The following TRIM49B variants were observed in gnomAD, a reference collection of about 807,000 sequenced individuals.
The protein encoded by TRIM49B is tripartite motif containing 49B, also known as putative tripartite motif-containing protein 49B.
A neutral mutation model predicts 31.8 loss-of-function variants in TRIM49B; 18 were observed. The observed-to-expected ratio is 0.57, with a 90% CI of 0.39 to 0.84. The LOEUF is 0.84. TRIM49B is among the 40% of genes least tolerant of loss of function. The pLI, the probability that TRIM49B is intolerant of heterozygous loss-of-function variation, is 0.00. For synonymous variants in TRIM49B, 196 were observed against 180.6 expected, an observed-to-expected ratio of 1.09 and a Z score of -0.68; for missense variants, 494 against 538.7, an observed-to-expected ratio of 0.92 and a Z score of 0.82.
Position 49,037,631 on chromosome 11 carries a change from C to T in TRIM49B, c.1013C>T (p.Ser338Leu), listed in dbSNP as rs533366193. ...FLAWGAQTFTSGKYYWEVHVG... is the reference protein window; with the variant it reads ...FLAWGAQTFTLGKYYWEVHVG... Reference sequence around the variant, plus strand: ...GCATGGGGTGCTCAGACTTTCACCTCGGGCAAATATTACTGGGAGGTCCAT... The same window carrying T: ...GCATGGGGTGCTCAGACTTTCACCTTGGGCAAATATTACTGGGAGGTCCAT... Residue 338 changes from serine to leucine, a missense_variant, in exon 7 of 7, where the codon TCG (serine) becomes TTG (leucine). This residue lies in a region of TRIM49B where 233 missense variants were observed against 281.4 expected (regional missense o/e 0.83). Transcript: ENST00000332682. The T allele has an allele frequency of 2.9e-5, 47 of 1,613,906 alleles. 1 individual carries two copies. The highest frequency in any genetic ancestry group is 2.3e-4 in the South Asian group (21 of 91,074).
At chr11:49,036,516 A>C in intron 6 of TRIM49B, 118 bp downstream of exon 6, 1 of 643,134 alleles carries the variant, frequency 1.6e-6, no homozygotes, top group Non-Finnish European at 2.6e-6. Flanking sequence ...ATAAGTGAAC[A>C]ATATAACCAT....
At chr11:49,036,828 T>C (rs1358453724) in intron 6 of TRIM49B, among the ~76,000 whole-genome samples, 1 of 152,206 alleles carries the variant, frequency 6.6e-6, no homozygotes, top group African/African-American at 2.4e-5. Flanking sequence ...TTAATGTGTA[T>C]ATATTATTCA....
At chr11:49,031,401 G>C (rs1854443496) in intron 1 of TRIM49B, among the ~76,000 whole-genome samples, 195 bp from the exon 2 acceptor site, 1 of 152,212 alleles carries the variant, frequency 6.6e-6, no homozygotes, top group South Asian at 2.1e-4. Flanking sequence ...GAGTGCTCTA[G>C]TTAGTAATAT....
intron 1 of TRIM49B, among the ~76,000 whole-genome samples, chr11:49,031,345 G>C (rs1246872087): frequency 6.6e-6 from 1 of 152,134 alleles, no homozygotes; most frequent in Admixed American, 6.5e-5. Flanking sequence ...TAGTTGAATA[G>C]GTTCGTATTA....
At chr11:49,032,800 GA>G (rs1433447720) in intron 3 of TRIM49B, among the ~76,000 whole-genome samples, 1 of 152,082 alleles carries the variant, frequency 6.6e-6, no homozygotes, top group Non-Finnish European at 1.5e-5. Flanking sequence ...GAATTGTATG[GA>G]AAATTTGAGG....
In TRIM49B at chr11:49,032,463, T is replaced by C; in HGVS notation, c.507+92T>C. The C allele has an allele frequency of 1.9e-6, 3 of 1,543,410 alleles. No individual in the cohort carries two copies. The Admixed American group carries it at 7.1e-5, about 36-fold the overall frequency. On this transcript the variant is annotated intron_variant, in intron 3 of 6. Transcript: ENST00000332682. ...GGAACTGGATATCAAACTGTAATGTTTCTGGGATTCAGTAAAAAAAAAAGA... is the reference window on the plus strand; with the variant it reads ...GGAACTGGATATCAAACTGTAATGTCTCTGGGATTCAGTAAAAAAAAAAGA...
At chr11:49,031,141 C>T (rs1428295296) in intron 1 of TRIM49B, among the ~76,000 whole-genome samples, 1 of 152,052 alleles carries the variant, frequency 6.6e-6, no homozygotes, top group Non-Finnish European at 1.5e-5. Context: ...TTGTGACCCT[C>T]TATAAAAATA....
chr11:49,030,294 G>A lies in TRIM49B; in HGVS notation c.-4-1302G>A, dbSNP rs547324721. 8.5e-5 allele frequency among the ~76,000 whole-genome samples: 13 copies of A among 152,158 alleles called. No homozygotes were observed. In the South Asian group the frequency reaches 1.2e-3, roughly 15 times the overall value. On this transcript the variant is annotated intron_variant, in intron 1 of 6. Coordinates refer to ENST00000332682, the MANE Select transcript of TRIM49B (RefSeq NM_001206626.2). ...GCAGGTTACAGTGAGCCGAGATCAC[G>A]CCACTGCATTTCAGCCTGTGTGACA...
In TRIM49B at chr11:49,031,704, C is replaced by T. The variant is rs1028916058; in HGVS notation, c.105C>T (p.Cys35=). The change falls in exon 2 of 7, where the codon TGC becomes TGT. Residue 35 remains cysteine, a synonymous_variant. Coordinates refer to ENST00000332682, the MANE Select transcript of TRIM49B (RefSeq NM_001206626.2). ...PVTIDCGHSF[C]RPCFYLNWKD... ...CCATAGACTGTGGGCACAGCTTTTGCAGGCCTTGTTTCTACCTCAACTGGA... is the reference window on the plus strand; with the variant it reads ...CCATAGACTGTGGGCACAGCTTTTGTAGGCCTTGTTTCTACCTCAACTGGA... 1.6e-5 allele frequency: 26 copies of T among 1,613,856 alleles called. No individual in the cohort carries two copies. Among genetic ancestry groups the T allele is most frequent in the Non-Finnish European group, 2.0e-5 (24 of 1,179,878 alleles).
Position 49,034,378 on chromosome 11 carries a change from T to A in TRIM49B, c.738+2T>A. ...AAACCAGATGTGGAGCTACTTCAGGTACAAACTCGCCATGTGGTTTCAGGT... is the reference window on the plus strand; with the variant it reads ...AAACCAGATGTGGAGCTACTTCAGGAACAAACTCGCCATGTGGTTTCAGGT... On this transcript the variant is annotated splice_donor_variant, in intron 4 of 6. Coordinates refer to ENST00000332682, the MANE Select transcript of TRIM49B (RefSeq NM_001206626.2). LOFTEE classifies it high-confidence loss of function. 3 of 1,611,984 alleles carry A rather than the reference T, an allele frequency of 1.9e-6. No individual in the cohort carries two copies.
At chr11:49,031,557 C>A (rs757531317) in intron 1 of TRIM49B, 39 bp from the exon 2 acceptor site, 3 of 1,608,116 alleles carry the variant, frequency 1.9e-6, no homozygotes, top group Non-Finnish European at 2.5e-6. Context: ...TTTTCATCAA[C>A]CCAGGCCCCA....
chr11:49,035,653 C>T (rs564319458), intron 5 of TRIM49B, among the ~76,000 whole-genome samples: 8 of 152,076 alleles, frequency 5.3e-5, no homozygotes, highest in South Asian at 2.1e-4. Context: ...CCACCGCGCC[C>T]GGCCCCTGAT....
intron 3 of TRIM49B, among the ~76,000 whole-genome samples, chr11:49,033,487 GTATGTA>G (rs1272854031): frequency 6.6e-6 from 1 of 152,014 alleles, no homozygotes; most frequent in African/African-American, 2.4e-5. Flanking sequence ...ATGTATGTAT[GTATGTA>G]TGTGTGTGTG....
intron 3 of TRIM49B, 80 bp from the exon 4 acceptor site, chr11:49,034,066 G>T: frequency 3.7e-6 from 6 of 1,607,072 alleles, no homozygotes; most frequent in South Asian, 2.2e-5. Context: ...TTGGACATTC[G>T]AGAGACAAAA....
At chr11:49,030,676 C>T (rs761903855) in intron 1 of TRIM49B, among the ~76,000 whole-genome samples, 25 of 152,228 alleles carry the variant, frequency 1.6e-4, no homozygotes, top group Non-Finnish European at 3.5e-4. Context: ...CTCAGCTCAC[C>T]AACTCACATA....
At chr11:49,034,834 G>A (rs1854500172) in intron 4 of TRIM49B, among the ~76,000 whole-genome samples, 1 of 152,186 alleles carries the variant, frequency 6.6e-6, no homozygotes, top group South Asian at 2.1e-4. Flanking sequence ...TTACCACAGA[G>A]CATAGACCTT....
chr11:49,038,085 CTT>C lies in TRIM49B; in HGVS notation c.*109_*110del. Reference sequence around the variant, plus strand: ...AGGACAAATAGGCTCTATTTTATATCTTGAATTGCCTTCTAATGTTATCAAAA... The same window carrying C: ...AGGACAAATAGGCTCTATTTTATATCGAATTGCCTTCTAATGTTATCAAAA... On this transcript the variant is annotated 3_prime_UTR_variant, in exon 7 of 7. Coordinates refer to ENST00000332682, the MANE Select transcript of TRIM49B (RefSeq NM_001206626.2). 1 of 1,553,998 alleles carries C rather than the reference CTT, an allele frequency of 6.4e-7. No homozygotes were observed. The highest frequency in any genetic ancestry group is 8.6e-7 in the Non-Finnish European group (1 of 1,159,000).
At chr11:49,030,262 T>A (rs1854428179) in intron 1 of TRIM49B, among the ~76,000 whole-genome samples, 1 of 152,094 alleles carries the variant, frequency 6.6e-6, no homozygotes. Context: ...ACTCTGAACC[T>A]GGAGGCGCAG....
rs765203557 is a variant in TRIM49B, at chr11:49,034,235, G to C, written c.597G>C (p.Glu199Asp). The C allele has an allele frequency of 8.0e-5, 129 of 1,611,822 alleles. No individual in the cohort carries two copies. Among genetic ancestry groups the C allele is most frequent in the Admixed American group, 1.5e-4 (9 of 59,986 alleles). ...ATGAAGAAGAAAAACATAATTTGGA[G>C]ATGCTGAAAAAGAAGGGGAAAGATA... is the stretch of plus-strand genomic sequence containing the variant. ...FHHEEEKHNL[E>D]MLKKKGKDIF... is the part of the protein sequence containing the mutation. Residue 199 changes from glutamate to aspartate, a missense_variant, in exon 4 of 7, where the codon GAG becomes GAC. Transcript: ENST00000332682.
Sources: allele counts gnomAD v4.1 joint callset (sites outside exome capture counted in the v4.1 genomes callset), GRCh38; gene constraint gnomAD v4.1.1; regional missense constraint gnomAD v4.1.1; transcripts MANE v1.5; gene names NCBI Gene and HGNC (gene_info 2026-07-23, HGNC 2026-07-21).